The following FAM135B variants were observed in gnomAD, a reference collection of about 807,000 sequenced individuals.
FAM135B encodes family with sequence similarity 135 member B, also known as protein FAM135B.
FAM135B carries 43 observed loss-of-function variants against 127.7 expected under a neutral mutation model. That is an observed-to-expected ratio of 0.34 (90% CI 0.26 to 0.43). The LOEUF is 0.43. FAM135B is among the 20% of genes least tolerant of loss of function. The probability of loss-of-function intolerance (pLI) is 1.00; values close to 1 mark genes in which losing one functional copy is unlikely to be tolerated. For synonymous variants in FAM135B, 670 were observed against 665.1 expected (o/e 1.01, Z -0.11); for missense variants, 1,558 against 1,725.6 (o/e 0.90, Z 1.72).
chr8:138,152,083 G>T lies in FAM135B; in HGVS notation c.2392C>A (p.Pro798Thr). Reference sequence around the variant, plus strand: ...TGGCTCTTGCTGTGCATATCTGAAGGTTCAGCAAAACCTCCATCTTGCTGC... The same window carrying T: ...TGGCTCTTGCTGTGCATATCTGAAGTTTCAGCAAAACCTCCATCTTGCTGC... ...TKQQDGGFAE[P>T]SDMHSKSQGS... Residue 798 changes from proline (P) to threonine (T), a missense_variant, in exon 13 of 20, where the codon CCT becomes ACT. By Grantham distance (38) the Pro-to-Thr change is conservative. Around this residue, in one of 5 missense-constraint regions of FAM135B, gnomAD observed 923 missense variants for 865.3 expected, o/e 1.07. Coordinates refer to ENST00000395297, the MANE Select transcript of FAM135B (RefSeq NM_015912.4). The T allele has an allele frequency of 1.2e-6, 2 of 1,613,870 alleles. No homozygotes were observed. The highest frequency in any genetic ancestry group is 1.7e-6 in the Non-Finnish European group (2 of 1,180,024).
At chr8:138,203,169 T>C (rs1476366475) in intron 7 of FAM135B, among the ~76,000 whole-genome samples, 1 of 152,344 alleles carries the variant, frequency 6.6e-6, no homozygotes, top group Non-Finnish European at 1.5e-5. Flanking sequence ...AACTCTTTCC[T>C]TTATGCAAAT....
intron 7 of FAM135B, among the ~76,000 whole-genome samples, chr8:138,202,873 T>C (rs935754849): frequency 6.6e-6 from 1 of 152,154 alleles, no homozygotes; most frequent in Admixed American, 6.5e-5. Context: ...AGTGGGGAAC[T>C]CCGCAGGGAC....
chr8:138,349,916 G>C (rs755824415), intron 2 of FAM135B, among the ~76,000 whole-genome samples: 1 of 152,180 alleles, frequency 6.6e-6, no homozygotes, highest in Non-Finnish European at 1.5e-5. Context: ...ACATCTTCAT[G>C]ATGATGATCA....
At chr8:138,225,861 G>A (rs1819387149) in intron 7 of FAM135B, among the ~76,000 whole-genome samples, 1 of 152,142 alleles carries the variant, frequency 6.6e-6, no homozygotes, top group African/African-American at 2.4e-5. Context: ...CAGCTGGCAG[G>A]GTGGTGGTGC....
chr8:138,242,315 G>A lies in FAM135B; in HGVS notation c.669+627C>T, dbSNP rs1467943927. On this transcript the variant is annotated intron_variant, in intron 7 of 19. Coordinates refer to ENST00000395297, the MANE Select transcript of FAM135B (RefSeq NM_015912.4). This position sits in a 1 kb window ranked among gnomAD's most constrained non-coding sequence, Gnocchi z 9.6. Reference sequence around the variant, plus strand: ...CACTAATAAAAACATAGCATATACTGGCTTGGGAGAAATATGAGCAGAATC... The same window carrying A: ...CACTAATAAAAACATAGCATATACTAGCTTGGGAGAAATATGAGCAGAATC... Among the ~76,000 whole-genome samples, 3 of 151,838 alleles carry A rather than the reference G, an allele frequency of 2.0e-5. No individual in the cohort carries two copies. The highest frequency in any genetic ancestry group is 3.9e-4 in the East Asian group (2 of 5,144).
At chr8:138,301,699 C>T (rs759335751) in intron 3 of FAM135B, among the ~76,000 whole-genome samples, 1 of 152,208 alleles carries the variant, frequency 6.6e-6, no homozygotes, top group Non-Finnish European at 1.5e-5. Context: ...CTTAGCATCA[C>T]CTTCCTCATG....
chr8:138,393,817 G>A (rs567070120), intron 1 of FAM135B, among the ~76,000 whole-genome samples: 7 of 152,242 alleles, frequency 4.6e-5, no homozygotes, highest in African/African-American at 1.7e-4. Flanking sequence ...TGAGGGGATG[G>A]ATGGACAGAC....
At chr8:138,373,089 A>AGGACCAGAAGGTGAT (rs1256876436) in intron 1 of FAM135B, among the ~76,000 whole-genome samples, 6 of 152,182 alleles carry the variant, frequency 3.9e-5, no homozygotes, top group Non-Finnish European at 8.8e-5. Flanking sequence ...GTTAGGCTAG[A>AGGACCAGAAGGTGAT]GGACCAGAAG....
chr8:138,178,519 G>T lies in FAM135B; in HGVS notation c.1029+16C>A, dbSNP rs2130978542. On this transcript the variant is annotated intron_variant, in intron 10 of 19. Transcript: ENST00000395297. ...AATGCATGTGATCAGAGAATGCACA[G>T]CAGTTGGCCACTCACCCTCAGGGTG... The T allele has an allele frequency of 6.2e-7, 1 of 1,612,900 alleles. No individual in the cohort carries two copies. Among genetic ancestry groups the T allele is most frequent in the Non-Finnish European group, 8.5e-7 (1 of 1,179,820 alleles).
At chr8:138,202,465 G>A (rs1051289409) in intron 7 of FAM135B, among the ~76,000 whole-genome samples, 1 of 152,070 alleles carries the variant, frequency 6.6e-6, no homozygotes, top group Non-Finnish European at 1.5e-5. Flanking sequence ...TGCCCAGGCT[G>A]GTTTTGAACT....
At position 138,300,093 on chromosome 8, in the gene FAM135B, G is replaced by A. The variant is rs186466567; in HGVS notation, c.157+10748C>T. Reference sequence around the variant, plus strand: ...AGTGATTCTTGTGCTTCAGCCTCCCGAGTAGCTGGGATTACAGGCACTATT... The same window carrying A: ...AGTGATTCTTGTGCTTCAGCCTCCCAAGTAGCTGGGATTACAGGCACTATT... On this transcript the variant is annotated intron_variant, in intron 3 of 19. Transcript: ENST00000395297. Among the ~76,000 whole-genome samples the A allele has an allele frequency of 8.6e-5, 13 of 152,022 alleles. No individual in the cohort carries two copies. The South Asian group carries it at 1.2e-3, about 15-fold the overall frequency.
At chr8:138,408,400 C>T (rs938795713) in intron 1 of FAM135B, among the ~76,000 whole-genome samples, 2 of 152,128 alleles carry the variant, frequency 1.3e-5, no homozygotes, top group African/African-American at 2.4e-5. Flanking sequence ...TGGTTTCTTT[C>T]GTTAAACCCT....
intron 3 of FAM135B, among the ~76,000 whole-genome samples, chr8:138,299,501 G>A (rs747609574): frequency 9.2e-5 from 14 of 152,074 alleles, no homozygotes; most frequent in African/African-American, 1.4e-4. Context: ...GGCTGCCAAC[G>A]GCAGGCTACC....
intron 3 of FAM135B, chr8:138,309,152 T>C (rs1428375358): frequency 1.6e-5 from 6 of 366,270 alleles, no homozygotes; most frequent in Non-Finnish European, 3.2e-5. Context: ...TATTATCCAA[T>C]GTACACATAT....
At chr8:138,398,041 G>C (rs890380971) in intron 1 of FAM135B, among the ~76,000 whole-genome samples, 1 of 152,204 alleles carries the variant, frequency 6.6e-6, no homozygotes, top group African/African-American at 2.4e-5. Context: ...CCTTCTGAAT[G>C]TAAACTCCCT....
At chr8:138,137,339 C>T (rs182633515) in intron 18 of FAM135B, 79 bp from the exon 19 acceptor site, 1 of 793,774 alleles carries the variant, frequency 1.3e-6, no homozygotes, top group African/African-American at 1.7e-5. Flanking sequence ...GCACAAATTT[C>T]CAGACTTGTC....
chr8:138,404,088 G>A (rs752403420), intron 1 of FAM135B, among the ~76,000 whole-genome samples: 1 of 152,030 alleles, frequency 6.6e-6, no homozygotes, highest in Non-Finnish European at 1.5e-5. Flanking sequence ...GTATACCTTG[G>A]TGATGTTGCA....
intron 7 of FAM135B, among the ~76,000 whole-genome samples, chr8:138,199,487 T>G (rs1315463912): frequency 1.3e-5 from 2 of 152,020 alleles, no homozygotes; most frequent in Non-Finnish European, 2.9e-5. Context: ...CCATGGGGAG[T>G]GCTGGGCCTG....
intron 2 of FAM135B, among the ~76,000 whole-genome samples, chr8:138,349,176 C>T (rs1378687269): frequency 3.9e-5 from 6 of 152,224 alleles, no homozygotes; most frequent in Non-Finnish European, 5.9e-5. Context: ...GAAGTAGCAG[C>T]AACAAAAGCA....
Sources: allele counts gnomAD v4.1 joint callset (sites outside exome capture counted in the v4.1 genomes callset), GRCh38; gene constraint gnomAD v4.1.1; regional missense constraint gnomAD v4.1.1; non-coding constraint Gnocchi (gnomAD v3.1); transcripts MANE v1.5; gene names NCBI Gene and HGNC (gene_info 2026-07-23, HGNC 2026-07-21).